Variants in DNM2 observed in about 807,000 individuals in gnomAD.
DNM2 encodes the protein dynamin-2.
In DNM2, 15 loss-of-function variants were observed where a neutral mutation model predicts 99.0. That is an observed-to-expected ratio of 0.15 (90% CI 0.10 to 0.23). DNM2 has a LOEUF of 0.23. Ranked by LOEUF, DNM2 falls within the 10% of genes least tolerant of loss-of-function variation. The probability of loss-of-function intolerance (pLI) is 1.00; values close to 1 mark genes in which losing one functional copy is unlikely to be tolerated. For synonymous variants in DNM2, 525 were observed against 481.2 expected (o/e 1.09, Z -1.19); for missense variants, 742 against 1,189.4 (o/e 0.62, Z 5.53).
At chr19:10,736,739 A>G (rs562715303) in intron 1 of DNM2, among the ~76,000 whole-genome samples, 3 of 152,190 alleles carry the variant, frequency 2.0e-5, no homozygotes, top group Admixed American at 2.0e-4. Flanking sequence ...TATTCCATCC[A>G]CTGTCACTAC....
Position 10,718,326 on chromosome 19 carries a change from C to G in DNM2, c.84C>G (p.His28Gln). The part of the protein sequence containing the change: ...DAFSSIGQSC[H>Q]LDLPQIAVVG... ...TCAGCTCCATCGGCCAGAGCTGCCA[C>G]CTGGACCTGCCGCAGATCGCTGTAG... The change falls in exon 1 of 21, where the codon CAC (histidine) becomes CAG (glutamine). Residue 28 changes from histidine to glutamine, a missense_variant. Coordinates refer to ENST00000389253, the MANE Select transcript of DNM2 (RefSeq NM_001005361.3). 6.6e-7 allele frequency: 1 copy of G among 1,515,570 alleles called. No homozygotes were observed. The highest frequency in any genetic ancestry group is 1.4e-5 in the African/African-American group (1 of 69,976). The allele number at this position is 1,515,570 out of a possible 1,614,324, so 93.9% of individuals were successfully genotyped here. A position where few individuals can be genotyped will look rare whatever the true frequency, so the allele number is the denominator to read the frequency against.
chr19:10,822,169 T>TTTTTC (rs1568320105), intron 16 of DNM2, among the ~76,000 whole-genome samples: 15 of 151,932 alleles, frequency 9.9e-5, no homozygotes, highest in African/African-American at 3.6e-4. Context: ...ACCCTGGTTC[T>TTTTTC]TTTTTCTTTT....
At chr19:10,808,645 C>T in intron 14 of DNM2, 65 bp downstream of exon 14, 1 of 1,548,594 alleles carries the variant, frequency 6.5e-7, no homozygotes, top group Non-Finnish European at 8.8e-7. Context: ...ACCCCGCCCA[C>T]CCCTAATATT....
chr19:10,770,642 GC>G (rs779512651), intron 2 of DNM2, among the ~76,000 whole-genome samples: 1 of 152,340 alleles, frequency 6.6e-6, no homozygotes, highest in East Asian at 1.9e-4. Flanking sequence ...GGCTGGGGAA[GC>G]CCCACAATCA....
At chr19:10,780,133 A>T (rs2071315172) in intron 5 of DNM2, 1 of 152,358 alleles carries the variant, frequency 6.6e-6, no homozygotes, top group African/African-American at 2.4e-5. Flanking sequence ...GGTTGCCAGC[A>T]TCCCCCAGCA....
intron 2 of DNM2, among the ~76,000 whole-genome samples, chr19:10,771,853 G>C (rs2070991483): frequency 1.3e-5 from 2 of 151,938 alleles, no homozygotes; most frequent in African/African-American, 4.8e-5. Flanking sequence ...GTTTATTTTT[G>C]GGGGAGGGGG....
Position 10,825,188 on chromosome 19 carries a change from G to A in DNM2, c.2025G>A (p.Met675Ile). ...TCAACAAGTCCATCCGCGACCTCAT[G>A]CCAAAGACCATCATGCACCTCATGA... ...AIINKSIRDLMPKTIMHLMIN... is the reference protein window; with the variant it reads ...AIINKSIRDLIPKTIMHLMIN... Residue 675 changes from methionine to isoleucine, a missense_variant, in exon 18 of 21, where the codon ATG (methionine) becomes ATA (isoleucine). By Grantham distance (10) the Met-to-Ile change is conservative (BLOSUM62 1). Around this residue, in one of 7 missense-constraint regions of DNM2, gnomAD observed 240 missense variants for 431.3 expected, o/e 0.56. Transcript: ENST00000389253. The A allele has an allele frequency of 6.2e-7, 1 of 1,614,168 alleles. No individual in the cohort carries two copies. The highest frequency in any genetic ancestry group is 8.5e-7 in the Non-Finnish European group (1 of 1,180,014).
At chr19:10,794,454 A>T (rs2071864315) in intron 8 of DNM2, among the ~76,000 whole-genome samples, 1 of 152,058 alleles carries the variant, frequency 6.6e-6, no homozygotes, top group African/African-American at 2.4e-5. Flanking sequence ...GTTTTTTAAA[A>T]TCAGAGGAGC....
At position 10,765,977 on chromosome 19, in the gene DNM2, G is replaced by A. The variant is rs1030728285; in HGVS notation, c.235+6166G>A. On this transcript the variant is annotated intron_variant, in intron 2 of 20. Coordinates refer to ENST00000389253, the MANE Select transcript of DNM2 (RefSeq NM_001005361.3). This position sits in a 1 kb window ranked among gnomAD's most constrained non-coding sequence, Gnocchi z 4.4. The stretch of plus-strand genomic sequence containing the variant: ...AGACTAACAGCTGAGCCGTGTTTGT[G>A]CTCCTGATGGGATTTGATCGCAGTC... Among the ~76,000 whole-genome samples, 1 of 152,204 alleles carries A rather than the reference G, an allele frequency of 6.6e-6. No homozygotes were observed. Among genetic ancestry groups the A allele is most frequent in the African/African-American group, 2.4e-5 (1 of 41,444 alleles).
chr19:10,805,899 C>T lies in DNM2; in HGVS notation c.1494-17C>T, dbSNP rs889064846. ...GGCATCTTGTCCACGTGAACCCTGT[C>T]TGTTCTTTGGTTTCAGTGCCCAGCA... is the stretch of plus-strand genomic sequence containing the variant. On this transcript the variant is annotated splice_polypyrimidine_tract_variant and intron_variant, in intron 12 of 20. Coordinates refer to ENST00000389253, the MANE Select transcript of DNM2 (RefSeq NM_001005361.3). 1.9e-6 allele frequency: 3 copies of T among 1,614,158 alleles called. No homozygotes were observed. The highest frequency in any genetic ancestry group is 2.7e-5 in the African/African-American group (2 of 75,026).
intron 13 of DNM2, among the ~76,000 whole-genome samples, chr19:10,807,648 G>C (rs931405236): frequency 7.8e-5 from 11 of 140,258 alleles, no homozygotes; most frequent in Non-Finnish European, 1.5e-4. Context: ...TCCTAGCTTC[G>C]TGTGATTCTC....
Position 10,796,333 on chromosome 19 carries a change from G to A in DNM2, c.1196+894G>A. 1.4e-6 allele frequency: 2 copies of A among 1,387,904 alleles called. No homozygotes were observed. Among genetic ancestry groups the A allele is most frequent in the Non-Finnish European group, 2.0e-6 (2 of 993,664 alleles). The allele number at this position is 1,387,904 out of a possible 1,614,324, so 86.0% of individuals were successfully genotyped here. On this transcript the variant is annotated intron_variant, in intron 9 of 20. Transcript: ENST00000389253. This position sits in a 1 kb window ranked among gnomAD's most constrained non-coding sequence, Gnocchi z 5.6. Reference sequence around the variant, plus strand: ...CATATCGCTTTGTGTCCGTGAACTTGGCCTCTCCCCAGAGGCTGGGGCAGG... The same window carrying A: ...CATATCGCTTTGTGTCCGTGAACTTAGCCTCTCCCCAGAGGCTGGGGCAGG...
chr19:10,779,552 G>T (rs2071285671), intron 5 of DNM2, among the ~76,000 whole-genome samples: 1 of 109,832 alleles, frequency 9.1e-6, no homozygotes, highest in Non-Finnish European at 1.7e-5. Context: ...CTGTCACCTA[G>T]GCTGGAGTGC....
chr19:10,790,121 G>A (rs994419497), intron 7 of DNM2, among the ~76,000 whole-genome samples: 3 of 152,166 alleles, frequency 2.0e-5, no homozygotes, highest in Non-Finnish European at 2.9e-5. Context: ...GGTCTTTCTC[G>A]GTTCACGCCT....
At chr19:10,738,501 G>A (rs770249602) in intron 1 of DNM2, among the ~76,000 whole-genome samples, 2 of 151,810 alleles carry the variant, frequency 1.3e-5, no homozygotes, top group Non-Finnish European at 2.9e-5. Flanking sequence ...CTACAGGAGG[G>A]TGGGATGAGG....
intron 2 of DNM2, among the ~76,000 whole-genome samples, chr19:10,767,144 G>T (rs956628666): frequency 1.3e-5 from 2 of 151,918 alleles, no homozygotes; most frequent in Non-Finnish European, 2.9e-5. Context: ...GGCCTCGGCT[G>T]CTGCTGCTGT....
At position 10,772,737 on chromosome 19, in the gene DNM2, A is replaced by G; in HGVS notation, c.385+109A>G. ...TCATGGGTATCATGTGCCCATTCAC[A>G]AACAGTTGATATTCACACACACATA... On this transcript the variant is annotated intron_variant, in intron 3 of 20. Transcript: ENST00000389253. This position sits in a 1 kb window ranked among gnomAD's most constrained non-coding sequence, Gnocchi z 4.9. 6 of 1,516,678 alleles carry G rather than the reference A, an allele frequency of 4.0e-6. No homozygotes were observed. Among genetic ancestry groups the G allele is most frequent in the Non-Finnish European group, 5.4e-6 (6 of 1,114,088 alleles). 94.0% of individuals were successfully genotyped at this position (1,516,678 alleles called of 1,614,324 possible). A position where few individuals can be genotyped will look rare whatever the true frequency, so the allele number is the denominator to read the frequency against.
At chr19:10,751,032 A>C (rs1047254351) in intron 1 of DNM2, among the ~76,000 whole-genome samples, 1 of 152,002 alleles carries the variant, frequency 6.6e-6, no homozygotes, top group East Asian at 1.9e-4. Flanking sequence ...CACAGCTCAG[A>C]TGGGGGTATG....
intron 2 of DNM2, among the ~76,000 whole-genome samples, chr19:10,770,083 T>G (rs2070924741): frequency 6.6e-6 from 1 of 152,202 alleles, no homozygotes; most frequent in African/African-American, 2.4e-5. Context: ...AAGGGACTTG[T>G]GAGGCGCAAC....
Sources: gnomAD v4.1 joint callset for allele counts (sites outside exome capture counted in the v4.1 genomes callset) on GRCh38, gnomAD v4.1.1 for gene constraint, gnomAD v4.1.1 regional missense constraint, Gnocchi (gnomAD v3.1) non-coding constraint, MANE v1.5 for transcripts, NCBI Gene and HGNC (gene_info 2026-07-23, HGNC 2026-07-21) for gene names.